PITPNC1: variants seen among roughly 807,000 people sequenced by gnomAD.
The protein encoded by PITPNC1 is cytoplasmic phosphatidylinositol transfer protein 1.
PITPNC1 carries 18 observed loss-of-function variants against 44.7 expected under a neutral mutation model. That is an observed-to-expected ratio of 0.40 (90% CI 0.28 to 0.60). The LOEUF (loss-of-function observed/expected upper bound fraction) is 0.60, where lower values mean the gene tolerates loss of function less well. Ranked by LOEUF, PITPNC1 falls within the 20% of genes least tolerant of loss-of-function variation. PITPNC1 has a pLI of 0.39. For synonymous variants in PITPNC1, 141 were observed against 149.6 expected (o/e 0.94, Z 0.42); for missense variants, 290 against 418.4 (o/e 0.69, Z 2.68).
chr17:67,574,650 G>C (rs542698252), intron 4 of PITPNC1, among the ~76,000 whole-genome samples: 1 of 152,144 alleles, frequency 6.6e-6, no homozygotes, highest in Non-Finnish European at 1.5e-5. Flanking sequence ...GAGGCAGAAG[G>C]TTATCTTAAC....
intron 5 of PITPNC1, among the ~76,000 whole-genome samples, chr17:67,629,537 G>A (rs79395609): frequency 0.015 from 2,209 of 152,226 alleles, 67 homozygotes; most frequent in African/African-American, 0.051. Context: ...TCAGCCTCCC[G>A]AAGTGCTGGG....
chr17:67,513,487 G>GTATATATATATATATATATA (rs1442010835), intron 1 of PITPNC1, among the ~76,000 whole-genome samples: 3 of 136,932 alleles, frequency 2.2e-5, no homozygotes, highest in African/African-American at 9.1e-5. Flanking sequence ...ATGTGTGTGT[G>GTATATATATATATATATATA]TGTATATATA....
intron 5 of PITPNC1, among the ~76,000 whole-genome samples, chr17:67,629,971 A>AAGAAGAGAAGAACCACCAGCCG (rs2144328970): frequency 6.6e-6 from 1 of 152,356 alleles, no homozygotes; most frequent in East Asian, 1.9e-4. Context: ...AAGAATAGGC[A>AAGAAGAGAAGAACCACCAGCCG]AGAAGAGAAG....
At chr17:67,644,355 T>C (rs2042122718) in intron 6 of PITPNC1, among the ~76,000 whole-genome samples, 1 of 151,496 alleles carries the variant, frequency 6.6e-6, no homozygotes, top group Non-Finnish European at 1.5e-5. Context: ...GGCCCAAGGC[T>C]CTCAGCCAGG....
chr17:67,639,284 A>G (rs571557452), intron 6 of PITPNC1, among the ~76,000 whole-genome samples: 3 of 152,342 alleles, frequency 2.0e-5, no homozygotes, highest in Admixed American at 6.5e-5. Flanking sequence ...GAATTCCTTT[A>G]GTTAGCATTT....
rs563824250 is a variant in PITPNC1 at position 67,461,415 on chromosome 17, C to T, written c.49-71387C>T. Among the ~76,000 whole-genome samples the T allele has an allele frequency of 1.3e-3, 197 of 152,346 alleles. 1 individual carries two copies. Among genetic ancestry groups the T allele is most frequent in the African/African-American group, 4.5e-3 (189 of 41,582 alleles). On this transcript the variant is annotated intron_variant, in intron 1 of 8. Coordinates refer to ENST00000581322, the MANE Select transcript of PITPNC1 (RefSeq NM_012417.4). The stretch of plus-strand genomic sequence containing the variant: ...GCTGAGTTAGATGAAGGATACTAAG[C>T]ATCCTATGGGAACTCATGCAGCAGG...
chr17:67,662,151 C>T (rs2042358132), intron 6 of PITPNC1, among the ~76,000 whole-genome samples: 1 of 152,018 alleles, frequency 6.6e-6, no homozygotes, highest in South Asian at 2.1e-4. Context: ...ATAAAGCTCA[C>T]CCATTGAAAG....
At chr17:67,512,450 G>A (rs1383649082) in intron 1 of PITPNC1, among the ~76,000 whole-genome samples, 3 of 144,296 alleles carry the variant, frequency 2.1e-5, no homozygotes, top group East Asian at 4.1e-4. Flanking sequence ...GCAGTGAGCC[G>A]AGATCGTGCC....
intron 8 of PITPNC1, among the ~76,000 whole-genome samples, chr17:67,685,508 A>G (rs368378577): frequency 1.3e-5 from 2 of 152,192 alleles, no homozygotes; most frequent in African/African-American, 4.8e-5. Context: ...ACCAAACCAC[A>G]TGATGCAGAA....
chr17:67,412,857 CGCCCG>C (rs1371222933), intron 1 of PITPNC1, among the ~76,000 whole-genome samples: 1 of 152,214 alleles, frequency 6.6e-6, no homozygotes, highest in Non-Finnish European at 1.5e-5. Flanking sequence ...TGAGCCACCG[CGCCCG>C]GCCTTCATAT....
chr17:67,461,383 A>G (rs1265497845), intron 1 of PITPNC1, among the ~76,000 whole-genome samples: 1 of 152,254 alleles, frequency 6.6e-6, no homozygotes, highest in Non-Finnish European at 1.5e-5. Context: ...TGCCCAGGGA[A>G]ATCTGGGCTG....
At position 67,377,711 on chromosome 17, in the gene PITPNC1, G is replaced by A. The variant is rs2037892090; in HGVS notation, c.-444G>A. 3 of 156,258 alleles carry A rather than the reference G, an allele frequency of 1.9e-5. No individual in the cohort carries two copies. In the Admixed American group the frequency reaches 2.0e-4, roughly 10 times the overall value. The allele number at this position is 156,258 out of a possible 1,614,324, so 9.7% of individuals were successfully genotyped here. ...ACCCGCCGGAGGAGGGGGGTCGCCA[G>A]GTTCCCGTCTGCTTTCGGAGGCGGA... is the stretch of plus-strand genomic sequence containing the variant. On this transcript the variant is annotated 5_prime_UTR_variant, in exon 1 of 9. Transcript: ENST00000581322.
intron 1 of PITPNC1, among the ~76,000 whole-genome samples, chr17:67,434,245 T>C (rs1351611499): frequency 6.6e-6 from 1 of 152,198 alleles, no homozygotes; most frequent in Non-Finnish European, 1.5e-5. Context: ...AGTCCTGTGT[T>C]ACCCCTCCCT....
At chr17:67,682,547 G>A (rs2042730394) in intron 8 of PITPNC1, among the ~76,000 whole-genome samples, 2 of 152,172 alleles carry the variant, frequency 1.3e-5, no homozygotes, top group South Asian at 2.1e-4. Context: ...GGCCTCTCCA[G>A]AGGGCAAGGA....
chr17:67,676,884 C>T lies in PITPNC1; in HGVS notation c.682+1342C>T, dbSNP rs897577645. On this transcript the variant is annotated intron_variant, in intron 8 of 8. Coordinates refer to ENST00000581322, the MANE Select transcript of PITPNC1 (RefSeq NM_012417.4). The surrounding 1 kb of genome is among the most constrained non-coding windows in gnomAD (Gnocchi z 4.0). ...TCCCAGATCTGCACCTTCTGAAGAGCAAATGCACCTTCCTGGGTTTGTCCA... is the reference window on the plus strand; with the variant it reads ...TCCCAGATCTGCACCTTCTGAAGAGTAAATGCACCTTCCTGGGTTTGTCCA... Among the ~76,000 whole-genome samples the T allele has an allele frequency of 6.6e-6, 1 of 151,764 alleles. No individual in the cohort carries two copies. Among genetic ancestry groups the T allele is most frequent in the Non-Finnish European group, 1.5e-5 (1 of 67,986 alleles).
chr17:67,550,921 C>A (rs1384266917), intron 2 of PITPNC1, among the ~76,000 whole-genome samples: 1 of 152,144 alleles, frequency 6.6e-6, no homozygotes, highest in South Asian at 2.1e-4. Context: ...ATTAGCCGGG[C>A]GTGGTGGCTG....
rs11372163 is a variant in PITPNC1 at position 67,675,010 on chromosome 17, C to CAAA, written c.619-453_619-451dup. ...TTGGCGACAGAGTAAGACTCTGTCT[C>CAAA]AAAAAAAAAAAAAAAAAAGTGACTT... On this transcript the variant is annotated intron_variant, in intron 7 of 8. Transcript: ENST00000581322. 3.5e-5 allele frequency among the ~76,000 whole-genome samples: 4 copies of CAAA among 114,076 alleles called. No homozygotes were observed. In the South Asian group the frequency reaches 1.2e-3, roughly 34 times the overall value. The allele number at this position is 114,076 out of a possible 152,430, so 74.8% of individuals were successfully genotyped here.
At chr17:67,528,899 T>C (rs1225055594) in intron 1 of PITPNC1, among the ~76,000 whole-genome samples, 1 of 151,966 alleles carries the variant, frequency 6.6e-6, no homozygotes, top group Non-Finnish European at 1.5e-5. Context: ...AATACGAGAT[T>C]TAAAAACAGC....
chr17:67,571,971 G>A (rs1478492329), intron 4 of PITPNC1, among the ~76,000 whole-genome samples: 1 of 152,224 alleles, frequency 6.6e-6, no homozygotes, highest in Non-Finnish European at 1.5e-5. Flanking sequence ...GGACTCTGGA[G>A]GCCATCTCAG....
Sources: allele counts gnomAD v4.1 joint callset (sites outside exome capture counted in the v4.1 genomes callset), GRCh38; gene constraint gnomAD v4.1.1; non-coding constraint Gnocchi (gnomAD v3.1); transcripts MANE v1.5; gene names NCBI Gene and HGNC (gene_info 2026-07-23, HGNC 2026-07-21).